The following CAMTA2 variants were observed in gnomAD, a reference collection of about 807,000 sequenced individuals.
CAMTA2 encodes calmodulin binding transcription activator 2, also known as calmodulin-binding transcription activator 2.
CAMTA2 carries 56 observed loss-of-function variants against 135.7 expected under a neutral mutation model. The ratio of observed to expected loss-of-function variants is 0.41; its 90% confidence interval spans 0.33 to 0.52. CAMTA2 has a LOEUF of 0.52. Among genes scored for constraint, CAMTA2 ranks in the 20% least tolerant of loss-of-function variants. The pLI, the probability that CAMTA2 is intolerant of heterozygous loss-of-function variation, is 0.16. For synonymous variants in CAMTA2, 591 were observed against 604.6 expected, an observed-to-expected ratio of 0.98 and a Z score of 0.33; for missense variants, 1,358 against 1,553.4, an observed-to-expected ratio of 0.87 and a Z score of 2.11.
In CAMTA2 at chr17:4,969,492, CCTAATA is replaced by C. The variant is rs1347287311; in HGVS notation, c.3282+2_3282+7del. On this transcript the variant is annotated splice_donor_variant and splice_donor_5th_base_variant and intron_variant, in intron 20 of 22. Coordinates refer to ENST00000348066, the MANE Select transcript of CAMTA2 (RefSeq NM_015099.4). LOFTEE classifies it high-confidence loss of function. The surrounding 1 kb of genome is among the most constrained non-coding windows in gnomAD (Gnocchi z 5.6). The stretch of plus-strand genomic sequence containing the variant: ...ACAGACCTCACACTCAGAGCTCATG[CCTAATA>C]CCTTAAGTGCAATCCAGGTCAGCTT... 1.2e-6 allele frequency: 2 copies of C among 1,614,040 alleles called. No homozygotes were observed. The highest frequency in any genetic ancestry group is 2.2e-5 in the South Asian group (2 of 91,078).
rs1972050188 is a variant in CAMTA2, at chr17:4,968,589, GA to G, written c.*166del. Reference sequence around the variant, plus strand: ...GGGGCACGACCAGGAGGGACGAGGAGAGGGGTGTGGGAGCAAGGCGTGGGGA... The same window carrying G: ...GGGGCACGACCAGGAGGGACGAGGAGGGGGTGTGGGAGCAAGGCGTGGGGA... On this transcript the variant is annotated 3_prime_UTR_variant, in exon 23 of 23. Coordinates refer to ENST00000348066, the MANE Select transcript of CAMTA2 (RefSeq NM_015099.4). The G allele has an allele frequency of 2.9e-6, 2 of 693,468 alleles. No individual in the cohort carries two copies. Among genetic ancestry groups the G allele is most frequent in the Non-Finnish European group, 5.0e-6 (2 of 403,622 alleles). The allele number at this position is 693,468 out of a possible 1,614,324, so 43.0% of individuals were successfully genotyped here. A position where few individuals can be genotyped will look rare whatever the true frequency, so the allele number is the denominator to read the frequency against.
At chr17:4,970,309 G>T in intron 17 of CAMTA2, 31 bp downstream of exon 17, 1 of 1,607,836 alleles carries the variant, frequency 6.2e-7, no homozygotes, top group Non-Finnish European at 8.5e-7. Flanking sequence ...TTCCTTTGAA[G>T]AATCTGGAGG....
intron 1 of CAMTA2, chr17:4,987,138 T>C: frequency 5.9e-6 from 8 of 1,358,996 alleles, no homozygotes; most frequent in Non-Finnish European, 7.5e-6. Context: ...AGGGCGCAGG[T>C]GCGCAGTCCT....
chr17:4,983,220 T>C, intron 3 of CAMTA2, 177 bp from the exon 4 acceptor site: 1 of 597,658 alleles, frequency 1.7e-6, no homozygotes, highest in South Asian at 2.1e-5. Context: ...TCTTTTGTCC[T>C]AAGACAAAAG....
intron 12 of CAMTA2, 129 bp from the exon 13 acceptor site, chr17:4,973,898 T>A: frequency 1.4e-6 from 1 of 727,890 alleles, no homozygotes; most frequent in Non-Finnish European, 2.2e-6. Context: ...CACTCTAGGA[T>A]CCCATCAGTT....
Position 4,972,800 on chromosome 17 carries a change from G to A in CAMTA2, c.2472C>T (p.Ala824=). ...RQEPSVEPPF[A]LSPPSSSPDT... Reference sequence around the variant, plus strand: ...CTGGGCTGGAGGAGGGTGGCGATAGGGCAAATGGGGGCTCCACCGAAGGCT... The same window carrying A: ...CTGGGCTGGAGGAGGGTGGCGATAGAGCAAATGGGGGCTCCACCGAAGGCT... Residue 824 remains alanine, a synonymous_variant, in exon 15 of 23, where the codon GCC becomes GCT. Transcript: ENST00000348066. 1 of 1,613,858 alleles carries A rather than the reference G, an allele frequency of 6.2e-7. No homozygotes were observed. The highest frequency in any genetic ancestry group is 8.5e-7 in the Non-Finnish European group (1 of 1,180,006).
In CAMTA2 at chr17:4,972,956, A is replaced by G. The variant is rs1597735092; in HGVS notation, c.2316T>C (p.Ala772=). The G allele has an allele frequency of 6.2e-7, 1 of 1,613,478 alleles. No individual in the cohort carries two copies. Among genetic ancestry groups the G allele is most frequent in the Non-Finnish European group, 8.5e-7 (1 of 1,179,964 alleles). ...WACALGHLEA[A]VLLFRWNRQA... The stretch of plus-strand genomic sequence containing the variant: ...GTCGGTTCCAACGGAAAAGGAGCAC[A>G]GCAGCTTCCAGGTGTCCCAGGGCAC... Residue 772 remains alanine (A), a synonymous_variant, in exon 15 of 23, where the codon GCT becomes GCC. Coordinates refer to ENST00000348066, the MANE Select transcript of CAMTA2 (RefSeq NM_015099.4).
chr17:4,985,428 T>C (rs1973212027), intron 3 of CAMTA2, among the ~76,000 whole-genome samples: 1 of 152,132 alleles, frequency 6.6e-6, no homozygotes, highest in Non-Finnish European at 1.5e-5. Context: ...CCATGTCTTT[T>C]TGTTTTTGTT....
intron 16 of CAMTA2, 126 bp downstream of exon 16, chr17:4,972,106 G>T: frequency 1.3e-6 from 1 of 788,488 alleles, no homozygotes; most frequent in South Asian, 1.7e-5. Flanking sequence ...TACCTTGCCT[G>T]TCCCAAAATG....
chr17:4,982,807 C>T lies in CAMTA2; in HGVS notation c.289G>A (p.Gly97Arg). 1 of 1,614,156 alleles carries T rather than the reference C, an allele frequency of 6.2e-7. No homozygotes were observed. Among genetic ancestry groups the T allele is most frequent in the Non-Finnish European group, 8.5e-7 (1 of 1,180,036 alleles). ...ATGTGGTCCTCTCGGGTGGTCTTCC[C>T]ATCCTTCCGCTTCTTCCAGAGGTAA... The part of the protein sequence containing the change: ...DGYLWKKRKD[G>R]KTTREDHMKL... Residue 97 changes from glycine (G) to arginine (R), a missense_variant, in exon 5 of 23, where the codon GGG becomes AGG. By Grantham distance (125) the Gly-to-Arg change is moderately radical. Coordinates refer to ENST00000348066, the MANE Select transcript of CAMTA2 (RefSeq NM_015099.4).
intron 6 of CAMTA2, 128 bp downstream of exon 6, chr17:4,981,961 C>G: frequency 7.9e-7 from 1 of 1,272,660 alleles, no homozygotes; most frequent in Admixed American, 1.9e-5. Context: ...CATCCCCAAG[C>G]CCCTTTCTCT....
chr17:4,981,074 G>A (rs1472592194), intron 8 of CAMTA2, 151 bp downstream of exon 8: 2 of 971,022 alleles, frequency 2.1e-6, no homozygotes, highest in African/African-American at 3.2e-5. Context: ...CACCCAGATG[G>A]GAACGTCTGT....
Position 4,973,618 on chromosome 17 carries a change from T to C in CAMTA2, c.2168A>G (p.Tyr723Cys), listed in dbSNP as rs771504612. The change falls in exon 13 of 23, where the codon TAT becomes TGT. Residue 723 changes from tyrosine (Y) to cysteine (C), a missense_variant. Around this residue, in one of 4 missense-constraint regions of CAMTA2, gnomAD observed 1,077 missense variants for 1,127.5 expected, o/e 0.96. Coordinates refer to ENST00000348066, the MANE Select transcript of CAMTA2 (RefSeq NM_015099.4). ...GCTCAGGGTCTCGATGAGGCGGGCA[T>C]AGCCCTGGGCAGCAGCCAGGTGCAG... Reference protein sequence around the residue: ...SLLHLAAAQGYARLIETLSQW... With the variant: ...SLLHLAAAQGCARLIETLSQW... 10 of 1,613,282 alleles carry C rather than the reference T, an allele frequency of 6.2e-6. No individual in the cohort carries two copies. The highest frequency in any genetic ancestry group is 5.0e-5 in the Admixed American group (3 of 59,970).
chr17:4,970,757 C>T (rs1216904480), intron 16 of CAMTA2, among the ~76,000 whole-genome samples: 1 of 152,222 alleles, frequency 6.6e-6, no homozygotes, highest in East Asian at 1.9e-4. Flanking sequence ...AGGAGATACT[C>T]CAAGTGGGGA....
At position 4,972,800 on chromosome 17, in the gene CAMTA2, G is replaced by C. The variant is rs762007361; in HGVS notation, c.2472C>G (p.Ala824=). ...RQEPSVEPPF[A]LSPPSSSPDT... is the part of the protein sequence containing the mutation. Reference sequence around the variant, plus strand: ...CTGGGCTGGAGGAGGGTGGCGATAGGGCAAATGGGGGCTCCACCGAAGGCT... The same window carrying C: ...CTGGGCTGGAGGAGGGTGGCGATAGCGCAAATGGGGGCTCCACCGAAGGCT... The change falls in exon 15 of 23, where the codon GCC becomes GCG. Residue 824 remains alanine (A), a synonymous_variant. Coordinates refer to ENST00000348066, the MANE Select transcript of CAMTA2 (RefSeq NM_015099.4). The C allele has an allele frequency of 6.2e-7, 1 of 1,613,858 alleles. No individual in the cohort carries two copies. Among genetic ancestry groups the C allele is most frequent in the South Asian group, 1.1e-5 (1 of 91,080 alleles).
rs1972447982 is a variant in CAMTA2 at position 4,973,755 on chromosome 17, C to T, written c.2031G>A (p.Gly677=). 1.2e-6 allele frequency: 2 copies of T among 1,609,076 alleles called. No homozygotes were observed. The highest frequency in any genetic ancestry group is 2.7e-5 in the African/African-American group (2 of 74,842). Residue 677 remains glycine, a synonymous_variant, in exon 13 of 23, where the codon GGG becomes GGA. Transcript: ENST00000348066. The part of the protein sequence containing the change: ...DAPPVQDEGQ[G]PGFEARVVVL... ...CCACTACCCGTGCTTCGAACCCAGG[C>T]CCCTGGCCTTCATCCTGCGATATAC... is the stretch of plus-strand genomic sequence containing the variant.
chr17:4,981,874 T>C, intron 6 of CAMTA2, 43 bp from the exon 7 acceptor site: 3 of 1,543,472 alleles, frequency 1.9e-6, no homozygotes, highest in South Asian at 1.2e-5. Context: ...GGTCCTGAGG[T>C]CCAGGGGCTT....
chr17:4,973,190 G>T lies in CAMTA2; in HGVS notation c.2265C>A (p.Phe755Leu), dbSNP rs1324444565. The change falls in exon 14 of 23, where the codon TTC (phenylalanine) becomes TTA (leucine). Residue 755 changes from phenylalanine to leucine, a missense_variant. Phe to Leu is a conservative substitution (Grantham distance 22). This residue lies in a region of CAMTA2 where 1,077 missense variants were observed against 1,127.5 expected (regional missense o/e 0.96). Coordinates refer to ENST00000348066, the MANE Select transcript of CAMTA2 (RefSeq NM_015099.4). ...QEVDPLNVDH[F>L]SCTPLMWACA... ...TCATCCTCACCAGAGGGGTGCAAGA[G>T]AAATGATCCACGTTGAGCGGGTCAA... 1 of 1,613,650 alleles carries T rather than the reference G, an allele frequency of 6.2e-7. No homozygotes were observed. Among genetic ancestry groups the T allele is most frequent in the Non-Finnish European group, 8.5e-7 (1 of 1,179,782 alleles).
chr17:4,968,511 G>A lies in CAMTA2; in HGVS notation c.*245C>T, dbSNP rs1300113492. 2 of 584,108 alleles carry A rather than the reference G, an allele frequency of 3.4e-6. No individual in the cohort carries two copies. The highest frequency in any genetic ancestry group is 6.1e-6 in the Non-Finnish European group (2 of 326,432). The allele number at this position is 584,108 out of a possible 1,614,324, so 36.2% of individuals were successfully genotyped here. ...AGGCAGGGCTCCGGAGGTCACAGCGGAAGATGCAGGTATGTGGGGCGCGGG... is the reference window on the plus strand; with the variant it reads ...AGGCAGGGCTCCGGAGGTCACAGCGAAAGATGCAGGTATGTGGGGCGCGGG... On this transcript the variant is annotated 3_prime_UTR_variant, in exon 23 of 23. Transcript: ENST00000348066.
Sources: gnomAD v4.1 joint callset for allele counts (sites outside exome capture counted in the v4.1 genomes callset) on GRCh38, gnomAD v4.1.1 for gene constraint, gnomAD v4.1.1 regional missense constraint, Gnocchi (gnomAD v3.1) non-coding constraint, MANE v1.5 for transcripts, NCBI Gene and HGNC (gene_info 2026-07-23, HGNC 2026-07-21) for gene names.